The following NELL2 variants were observed in gnomAD, a reference collection of about 807,000 sequenced individuals.
The protein encoded by NELL2 is protein kinase C-binding protein NELL2.
NELL2 carries 41 observed loss-of-function variants against 109.6 expected under a neutral mutation model. The observed-to-expected ratio is 0.37, with a 90% CI of 0.29 to 0.49. NELL2 has a LOEUF of 0.49. NELL2 is among the 20% of genes least tolerant of loss of function. NELL2 has a pLI of 0.98. For missense variants in NELL2, 900 were observed against 1,008.3 expected, an observed-to-expected ratio of 0.89 and a Z score of 1.45; for synonymous variants, 355 against 344.7, an observed-to-expected ratio of 1.03 and a Z score of -0.33.
In NELL2 at chr12:44,565,116, C is replaced by G. The variant is rs530277823; in HGVS notation, c.1664-32395G>C. On this transcript the variant is annotated intron_variant, in intron 15 of 19. Coordinates refer to ENST00000429094, the MANE Select transcript of NELL2 (RefSeq NM_001145108.2). Reference sequence around the variant, plus strand: ...ATACTCCCCAGGTGATCTGTGTGTGCCTTAAAGTTTGAAAGCTGATGCACT... The same window carrying G: ...ATACTCCCCAGGTGATCTGTGTGTGGCTTAAAGTTTGAAAGCTGATGCACT... Among the ~76,000 whole-genome samples, 11 of 152,172 alleles carry G rather than the reference C, an allele frequency of 7.2e-5. No individual in the cohort carries two copies. The South Asian group carries it at 2.3e-3, about 32-fold the overall frequency.
chr12:44,641,307 A>G (rs75155533), intron 13 of NELL2, among the ~76,000 whole-genome samples: 5,838 of 152,272 alleles, frequency 0.038, 372 homozygotes, highest in African/African-American at 0.13. Flanking sequence ...AAAAGATTGT[A>G]TTTTTAGGAG....
chr12:44,524,791 A>G (rs1413168688), intron 16 of NELL2, among the ~76,000 whole-genome samples: 2 of 152,156 alleles, frequency 1.3e-5, no homozygotes, highest in Non-Finnish European at 2.9e-5. Flanking sequence ...TAAGGATAAT[A>G]TTACTTATTA....
intron 5 of NELL2, among the ~76,000 whole-genome samples, chr12:44,779,333 G>A (rs1282700909): frequency 3.3e-5 from 5 of 152,092 alleles, no homozygotes; most frequent in Admixed American, 2.0e-4. Flanking sequence ...ATCATCAAAG[G>A]TTATATTTCA....
intron 15 of NELL2, among the ~76,000 whole-genome samples, chr12:44,559,549 C>G (rs1457217668): frequency 6.6e-6 from 1 of 152,120 alleles, no homozygotes; most frequent in Non-Finnish European, 1.5e-5. Context: ...ATAAAACCGA[C>G]TTTAAACCAA....
chr12:44,630,211 C>T (rs1009259714), intron 13 of NELL2, among the ~76,000 whole-genome samples: 4 of 152,174 alleles, frequency 2.6e-5, no homozygotes, highest in African/African-American at 9.7e-5. Flanking sequence ...TGAGCACTTA[C>T]AATGTGCCAA....
chr12:44,523,227 A>C (rs1003838231), intron 17 of NELL2, 64 bp downstream of exon 17: 4 of 1,532,726 alleles, frequency 2.6e-6, no homozygotes, highest in Admixed American at 3.3e-5. Flanking sequence ...AGCCATATAC[A>C]CACTTAAAAC....
At chr12:44,591,959 G>A (rs1348862075) in intron 15 of NELL2, among the ~76,000 whole-genome samples, 1 of 152,094 alleles carries the variant, frequency 6.6e-6, no homozygotes, top group Non-Finnish European at 1.5e-5. Context: ...GAAGAAAGAG[G>A]ATAAAATTGA....
chr12:44,838,435 G>A (rs916969698), intron 2 of NELL2, among the ~76,000 whole-genome samples: 5 of 152,210 alleles, frequency 3.3e-5, no homozygotes, highest in Non-Finnish European at 7.4e-5. Context: ...TAGAGTCAGT[G>A]TATACTACAT....
At chr12:44,769,581 T>C (rs973342215) in intron 9 of NELL2, among the ~76,000 whole-genome samples, 8 of 152,086 alleles carry the variant, frequency 5.3e-5, no homozygotes, top group Non-Finnish European at 1.0e-4. Context: ...TCAAACAGTT[T>C]TACCCTCTGA....
At chr12:44,669,592 A>G (rs1477442659) in intron 12 of NELL2, among the ~76,000 whole-genome samples, 2 of 152,106 alleles carry the variant, frequency 1.3e-5, no homozygotes, top group African/African-American at 4.8e-5. Flanking sequence ...TGACTGAAAG[A>G]ATAAAATAAA....
intron 15 of NELL2, among the ~76,000 whole-genome samples, chr12:44,586,908 C>T (rs144853656): frequency 1.2e-3 from 188 of 152,272 alleles, no homozygotes; most frequent in African/African-American, 3.9e-3. Flanking sequence ...ACAAACATAA[C>T]GACCTCACAT....
chr12:44,791,888 G>T (rs1268025966), intron 3 of NELL2, among the ~76,000 whole-genome samples: 1 of 152,036 alleles, frequency 6.6e-6, no homozygotes, highest in East Asian at 1.9e-4. Context: ...TGGGAATATG[G>T]GGGTAACAGG....
chr12:44,573,720 A>G (rs547183685), intron 15 of NELL2, among the ~76,000 whole-genome samples: 55 of 152,374 alleles, frequency 3.6e-4, no homozygotes, highest in South Asian at 1.4e-3. Flanking sequence ...ACTAATAGAT[A>G]TGGAGAACAG....
intron 16 of NELL2, among the ~76,000 whole-genome samples, chr12:44,525,125 A>C (rs1436956148): frequency 6.6e-6 from 1 of 152,220 alleles, no homozygotes; most frequent in East Asian, 1.9e-4. Context: ...TTTATGGTCT[A>C]CTATAAGGAC....
intron 2 of NELL2, among the ~76,000 whole-genome samples, chr12:44,822,431 T>C (rs1246359112): frequency 6.6e-6 from 1 of 152,172 alleles, no homozygotes; most frequent in African/African-American, 2.4e-5. Context: ...GTTTTGGCCA[T>C]CAAATTCTTC....
intron 2 of NELL2, among the ~76,000 whole-genome samples, chr12:44,872,501 C>T (rs939502944): frequency 4.6e-5 from 7 of 152,032 alleles, no homozygotes; most frequent in Admixed American, 1.3e-4. Flanking sequence ...AATAAATTTA[C>T]GAGTTTCAAA....
chr12:44,600,259 T>G lies in NELL2; in HGVS notation c.1663+6910A>C, dbSNP rs1047174111. The stretch of plus-strand genomic sequence containing the variant: ...CTCCGGACCTCGTGATCCGCCCGCC[T>G]CGTCCTCCGAAAGTGCTGGGATCAC... On this transcript the variant is annotated intron_variant, in intron 15 of 19. Coordinates refer to ENST00000429094, the MANE Select transcript of NELL2 (RefSeq NM_001145108.2). Among the ~76,000 whole-genome samples the G allele has an allele frequency of 8.6e-5, 13 of 151,366 alleles. No homozygotes were observed. In the South Asian group the frequency reaches 2.3e-3, roughly 27 times the overall value.
rs111444572 is a variant in NELL2 at position 44,898,060 on chromosome 12, C to T, written c.38+15739G>A. 7.9e-3 allele frequency among the ~76,000 whole-genome samples: 1,198 copies of T among 152,280 alleles called. 15 individuals are homozygous for T. Among genetic ancestry groups the T allele is most frequent in the African/African-American group, 0.027 (1,119 of 41,540 alleles). On this transcript the variant is annotated intron_variant, in intron 1 of 20. Transcript: ENST00000333837. ...CAAAGCCCCTGTAGCCAGACTACCACTTTAGATTCTGGGCAGGGCATCTCT... is the reference window on the plus strand; with the variant it reads ...CAAAGCCCCTGTAGCCAGACTACCATTTTAGATTCTGGGCAGGGCATCTCT...
At chr12:44,582,373 T>C (rs1304378161) in intron 15 of NELL2, among the ~76,000 whole-genome samples, 15 of 152,096 alleles carry the variant, frequency 9.9e-5, no homozygotes, top group Non-Finnish European at 2.2e-4. Flanking sequence ...GCCTGGGCTT[T>C]TGCTGGGCAA....
Sources: gnomAD v4.1 joint callset for allele counts (sites outside exome capture counted in the v4.1 genomes callset) on GRCh38, gnomAD v4.1.1 for gene constraint, MANE v1.5 for transcripts, NCBI Gene and HGNC (gene_info 2026-07-23, HGNC 2026-07-21) for gene names.